Variants in ALK observed in about 807,000 individuals in gnomAD.
ALK encodes the protein ALK receptor tyrosine kinase.
Under a neutral mutation model 163.1 loss-of-function variants are expected in ALK, and 74 were observed. That is an observed-to-expected ratio of 0.45 (90% CI 0.38 to 0.55). The LOEUF (loss-of-function observed/expected upper bound fraction) is 0.55. ALK is among the 20% of genes least tolerant of loss of function. The probability of loss-of-function intolerance (pLI) is 0.00; values close to 1 mark genes in which losing one functional copy is unlikely to be tolerated. For synonymous variants in ALK, 960 were observed against 843.2 expected, an observed-to-expected ratio of 1.14 and a Z score of -2.40; for missense variants, 2,063 against 2,105.3, an observed-to-expected ratio of 0.98 and a Z score of 0.39.
At chr2:29,835,424 T>G (rs1250345922) in intron 1 of ALK, among the ~76,000 whole-genome samples, 1 of 152,224 alleles carries the variant, frequency 6.6e-6, no homozygotes, top group Non-Finnish European at 1.5e-5. Context: ...AAACGATGTG[T>G]CTTCCCATTG....
At chr2:29,377,462 G>C (rs893687934) in intron 5 of ALK, among the ~76,000 whole-genome samples, 1 of 119,334 alleles carries the variant, frequency 8.4e-6, no homozygotes, top group Non-Finnish European at 1.6e-5. Context: ...GCAACAGAGT[G>C]AGACTACATC....
chr2:29,287,783 G>A (rs887306315), intron 9 of ALK, among the ~76,000 whole-genome samples: 2 of 151,498 alleles, frequency 1.3e-5, no homozygotes, highest in African/African-American at 4.8e-5. Flanking sequence ...CTTTTCTCTG[G>A]CCTTGGAATC....
intron 8 of ALK, among the ~76,000 whole-genome samples, chr2:29,307,305 T>G (rs529596835): frequency 3.3e-5 from 5 of 152,364 alleles, no homozygotes; most frequent in Admixed American, 3.3e-4. Flanking sequence ...GGTGCTATCT[T>G]TCTTCAAATT....
At chr2:29,433,178 C>G (rs1670321134) in intron 4 of ALK, among the ~76,000 whole-genome samples, 2 of 152,184 alleles carry the variant, frequency 1.3e-5, no homozygotes, top group Non-Finnish European at 2.9e-5. Flanking sequence ...TGTGAATACT[C>G]TTTGATCAGC....
intron 4 of ALK, among the ~76,000 whole-genome samples, chr2:29,512,975 A>C (rs562184551): frequency 6.6e-6 from 1 of 151,434 alleles, no homozygotes. Flanking sequence ...GAGAACTACA[A>C]ACCACTGCTC....
At chr2:29,213,925 C>T (rs919523356) in intron 24 of ALK, 59 bp downstream of exon 24, 135 of 1,430,326 alleles carry the variant, frequency 9.4e-5, no homozygotes, top group Non-Finnish European at 1.2e-4. Context: ...TTGAGATCTG[C>T]GGGGAAGCAC....
intron 1 of ALK, among the ~76,000 whole-genome samples, chr2:29,822,934 T>C (rs1031215431): frequency 2.0e-5 from 3 of 152,210 alleles, no homozygotes; most frequent in Admixed American, 6.5e-5. Context: ...GGAGATATAA[T>C]AGAAAGATAC....
At chr2:29,697,117 T>C (rs2148291865) in intron 2 of ALK, among the ~76,000 whole-genome samples, 1 of 152,066 alleles carries the variant, frequency 6.6e-6, no homozygotes, top group Middle Eastern at 3.4e-3. Context: ...CTATGAAAAA[T>C]GGACCTGGTC....
Position 29,193,158 on chromosome 2 carries a change from C to CCATT in ALK, c.*62_*65dup, listed in dbSNP as rs886055927. 2 of 1,210,712 alleles carry CCATT rather than the reference C, an allele frequency of 1.7e-6. No individual in the cohort carries two copies. Among genetic ancestry groups the CCATT allele is most frequent in the Non-Finnish European group, 2.3e-6 (2 of 870,740 alleles). The allele number at this position is 1,210,712 out of a possible 1,614,324, so 75.0% of individuals were successfully genotyped here. On this transcript the variant is annotated 3_prime_UTR_variant, in exon 29 of 29. Transcript: ENST00000389048. Reference sequence around the variant, plus strand: ...ATTTGGTCTCTGGTTTGTGAAGGAGCCATTGCCTCTCTCTCCTCCACGGTC... The same window carrying CCATT: ...ATTTGGTCTCTGGTTTGTGAAGGAGCCATTCATTGCCTCTCTCTCCTCCACGGTC...
At chr2:29,877,325 T>A (rs941369878) in intron 1 of ALK, among the ~76,000 whole-genome samples, 3 of 152,168 alleles carry the variant, frequency 2.0e-5, no homozygotes, top group Non-Finnish European at 4.4e-5. Flanking sequence ...ATTCTTGGTC[T>A]AACACCAGCT....
intron 3 of ALK, among the ~76,000 whole-genome samples, chr2:29,558,550 C>T (rs1296641813): frequency 6.6e-6 from 1 of 152,078 alleles, no homozygotes; most frequent in Non-Finnish European, 1.5e-5. Flanking sequence ...ACACCCCTCC[C>T]TACCCTCTCT....
chr2:29,733,168 C>T (rs1012618475), intron 1 of ALK, among the ~76,000 whole-genome samples: 2 of 152,146 alleles, frequency 1.3e-5, no homozygotes, highest in Non-Finnish European at 2.9e-5. Context: ...AAGCGGGGCA[C>T]TAGGAACAAG....
At chr2:29,230,289 C>CT (rs5830106) in intron 15 of ALK, among the ~76,000 whole-genome samples, 2,415 of 138,936 alleles carry the variant, frequency 0.017, 55 homozygotes, top group African/African-American at 0.06. Context: ...ACACAATCAT[C>CT]TTTTTTTTTT....
chr2:29,243,245 C>T (rs1399829516), intron 12 of ALK, among the ~76,000 whole-genome samples: 3 of 152,196 alleles, frequency 2.0e-5, no homozygotes, highest in African/African-American at 7.2e-5. Flanking sequence ...GAAGAAGCAC[C>T]TCCTTAAATT....
chr2:29,692,708 G>A (rs1215522195), intron 3 of ALK, among the ~76,000 whole-genome samples: 1 of 152,192 alleles, frequency 6.6e-6, no homozygotes, highest in African/African-American at 2.4e-5. Context: ...AACAGGCCAT[G>A]GACAGGTACC....
At chr2:29,667,339 C>A (rs1677543760) in intron 3 of ALK, among the ~76,000 whole-genome samples, 2 of 152,052 alleles carry the variant, frequency 1.3e-5, no homozygotes, top group Admixed American at 1.3e-4. Flanking sequence ...TGGCCAGGAC[C>A]TCCAGTGTTA....
intron 2 of ALK, among the ~76,000 whole-genome samples, chr2:29,705,278 T>TATATATAA (rs1295930620): frequency 2.2e-5 from 1 of 44,994 alleles, no homozygotes. Context: ...TATATATATA[T>TATATATAA]ATAAATATAT....
At chr2:29,900,995 G>A (rs376673255) in intron 1 of ALK, among the ~76,000 whole-genome samples, 8 of 148,714 alleles carry the variant, frequency 5.4e-5, no homozygotes, top group East Asian at 2.0e-4. Context: ...GAGAGAGAGA[G>A]AGCAAGCAAG....
At chr2:29,413,431 C>T (rs924439191) in intron 4 of ALK, among the ~76,000 whole-genome samples, 2 of 152,080 alleles carry the variant, frequency 1.3e-5, no homozygotes, top group Non-Finnish European at 2.9e-5. Context: ...ACTGCAACCT[C>T]CGCCTCCCAG....
Sources: allele counts gnomAD v4.1 joint callset (sites outside exome capture counted in the v4.1 genomes callset), GRCh38; gene constraint gnomAD v4.1.1; transcripts MANE v1.5; gene names NCBI Gene and HGNC (gene_info 2026-07-23, HGNC 2026-07-21).